ZNF232: variants seen among roughly 807,000 people sequenced by gnomAD.
ZNF232 encodes zinc finger and SCAN domain-containing protein 11.
A neutral mutation model predicts 25.2 loss-of-function variants in ZNF232; 25 were observed. The ratio of observed to expected loss-of-function variants is 0.99; its 90% CI spans 0.72 to 1.39. The LOEUF (loss-of-function observed/expected upper bound fraction) is 1.39. Among genes scored for constraint, ZNF232 ranks in the 40% most tolerant of loss-of-function variants. The pLI is 0.00. For missense variants in ZNF232, 519 were observed against 520.9 expected, an observed-to-expected ratio of 1.00 and a Z score of 0.04; for synonymous variants, 193 against 182.9, an observed-to-expected ratio of 1.06 and a Z score of -0.45.
chr17:5,111,967 G>C, upstream of ZNF232: 1 of 1,246,364 alleles, frequency 8.0e-7, no homozygotes, highest in Non-Finnish European at 1.1e-6. Context: ...AGGCGCGTGG[G>C]CGCTGCCGAG....
At chr17:5,108,846 T>C in intron 3 of ZNF232, 80 bp downstream of exon 3, 1 of 1,599,250 alleles carries the variant, frequency 6.3e-7, no homozygotes, top group South Asian at 1.1e-5. Context: ...TACTACTATT[T>C]ACCCTTTACA....
In ZNF232 at chr17:5,108,925, C is replaced by T. The variant is rs1329655545; in HGVS notation, c.625+1G>A. On this transcript the variant is annotated splice_donor_variant, in intron 3 of 3. Coordinates refer to ENST00000575898, the Ensembl canonical transcript of ZNF232. LOFTEE classifies it high-confidence loss of function. Reference sequence around the variant, plus strand: ...CCTCCCCACAGAATCCTGCTCCTCACCACTCTTTGGGAAAGGCTGGGTCTC... The same window carrying T: ...CCTCCCCACAGAATCCTGCTCCTCATCACTCTTTGGGAAAGGCTGGGTCTC... 2 of 1,613,994 alleles carry T rather than the reference C, an allele frequency of 1.2e-6. No homozygotes were observed. The highest frequency in any genetic ancestry group is 1.7e-4 in the Middle Eastern group (1 of 6,060).
intron 3 of ZNF232, among the ~76,000 whole-genome samples, chr17:5,106,853 A>T (rs17224791): frequency 0.22 from 33,396 of 152,116 alleles, 4,735 homozygotes; most frequent in East Asian, 0.66. Context: ...TGTTGTGAAG[A>T]AAGGGAAAAA....
upstream of ZNF232, among the ~76,000 whole-genome samples, chr17:5,113,167 G>A (rs1382735396): frequency 6.6e-6 from 1 of 152,146 alleles, no homozygotes; most frequent in African/African-American, 2.4e-5. Flanking sequence ...TTGAAAATGC[G>A]CATTGACACC....
chr17:5,111,866 G>C (rs765256274), upstream of ZNF232: 3 of 1,612,366 alleles, frequency 1.9e-6, no homozygotes, highest in Non-Finnish European at 2.5e-6. Context: ...CCTCACCCCA[G>C]GGGCAGGTTT....
chr17:5,117,452 G>C (rs1276447196), intron 1 of ZNF232, among the ~76,000 whole-genome samples: 2 of 149,834 alleles, frequency 1.3e-5, no homozygotes, highest in African/African-American at 4.9e-5. Flanking sequence ...GGAGGCAAAG[G>C]TTGCAGTGAG....
chr17:5,106,046 AC>A lies in ZNF232; in HGVS notation c.1085del (p.Gly362ValfsTer32). 1 of 1,613,946 alleles carries A rather than the reference AC, an allele frequency of 6.2e-7. No individual in the cohort carries two copies. The highest frequency in any genetic ancestry group is 8.5e-7 in the Non-Finnish European group (1 of 1,179,936). On this transcript the variant is annotated frameshift_variant, in exon 4 of 4. Coordinates refer to ENST00000575898, the Ensembl canonical transcript of ZNF232. LOFTEE classifies it low-confidence loss of function (END_TRUNC). ...TCCTCTGATGCTGAACAAGATGAGC[AC>A]CCCATCTGAAGGCCTTCCCACATTC...
intron 1 of ZNF232, chr17:5,121,236 G>A: frequency 2.6e-6 from 1 of 384,566 alleles, no homozygotes; most frequent in Non-Finnish European, 5.2e-6. Context: ...TCCAACGTGG[G>A]TGCAGAGGGT....
At position 5,117,546 on chromosome 17, in the gene ZNF232, T is replaced by G. The variant is rs531719030; in HGVS notation, c.-529-5195A>C. ...AAAAAAAAAAAAGCTCAATAAATAT[T>G]TACAGCACAAGTGAATAAATGGGGT... On this transcript the variant is annotated intron_variant, in intron 1 of 4. Transcript: ENST00000250076. Among the ~76,000 whole-genome samples, 4 of 151,654 alleles carry G rather than the reference T, an allele frequency of 2.6e-5. No homozygotes were observed. In the East Asian group the frequency reaches 5.9e-4, roughly 22 times the overall value.
At chr17:5,121,392 C>G in intron 1 of ZNF232, 1 of 329,956 alleles carries the variant, frequency 3.0e-6, no homozygotes, top group Admixed American at 4.2e-5. Flanking sequence ...GGCTGAACTG[C>G]GAGGTGGCCA....
intron 3 of ZNF232, among the ~76,000 whole-genome samples, chr17:5,107,431 C>T (rs968742452): frequency 3.4e-5 from 5 of 146,126 alleles, no homozygotes; most frequent in African/African-American, 1.3e-4. Context: ...AGTGTGTTGC[C>T]TTTTTGTTTT....
intron 1 of ZNF232, 164 bp downstream of exon 1, chr17:5,111,636 C>G (rs773645517): frequency 5.7e-5 from 58 of 1,010,748 alleles, no homozygotes; most frequent in Non-Finnish European, 7.3e-5. Context: ...CGCGACGCAA[C>G]GCAGGTAGCG....
At chr17:5,116,600 C>G (rs542717202), upstream of ZNF232, 1 of 152,440 alleles carries the variant, frequency 6.6e-6, no homozygotes, top group Middle Eastern at 3.4e-3. Flanking sequence ...GCACTAGACC[C>G]TCACCAGGGG....
chr17:5,109,370 A>G, intron 2 of ZNF232, 24 bp downstream of exon 2: 2 of 1,613,768 alleles, frequency 1.2e-6, no homozygotes, highest in South Asian at 1.1e-5. Context: ...TGGCTCCCAT[A>G]ACAGACCAAA....
At chr17:5,109,417 T>C in exon 2 of ZNF232, 1 of 1,613,978 alleles carries the variant, frequency 6.2e-7, no homozygotes, top group Non-Finnish European at 8.5e-7. Context: ...TCAAGTCCTT[T>C]CTCTAAATCC....
chr17:5,107,542 A>AAT (rs201818905), intron 3 of ZNF232, among the ~76,000 whole-genome samples: 2,983 of 51,802 alleles, frequency 0.058, 189 homozygotes, highest in Admixed American at 0.28. Flanking sequence ...AGGTCATTTG[A>AAT]CTTTTTTTTT....
chr17:5,117,402 G>T (rs961019133), intron 1 of ZNF232, among the ~76,000 whole-genome samples: 1 of 151,856 alleles, frequency 6.6e-6, no homozygotes, highest in African/African-American at 2.4e-5. Flanking sequence ...TGTAATCCCA[G>T]CTACTCAGGA....
At chr17:5,105,741 G>A in exon 4 of ZNF232, 1 of 1,318,858 alleles carries the variant, frequency 7.6e-7, no homozygotes, top group Admixed American at 2.4e-5. Flanking sequence ...AAATCTTAAG[G>A]AACTTATAAC....
chr17:5,111,811 A>G, exon 1 of ZNF232: 1 of 1,613,880 alleles, frequency 6.2e-7, no homozygotes, highest in Non-Finnish European at 8.5e-7. Flanking sequence ...TCACAGGACC[A>G]GGAGGTTCCA....
Sources: gnomAD v4.1 joint callset for allele counts (sites outside exome capture counted in the v4.1 genomes callset) on GRCh38, gnomAD v4.1.1 for gene constraint, MANE v1.5 for transcripts, NCBI Gene and HGNC (gene_info 2026-07-23, HGNC 2026-07-21) for gene names.